Variants in MYO5B observed in about 807,000 individuals in gnomAD.
The protein encoded by MYO5B is myosin VB.
MYO5B carries 143 observed loss-of-function variants against 229.3 expected under a neutral mutation model. That is an observed-to-expected ratio of 0.62 (90% confidence interval 0.54 to 0.72). The LOEUF (loss-of-function observed/expected upper bound fraction) is 0.72, where lower values mean the gene tolerates loss of function less well. Ranked by LOEUF, MYO5B falls within the 30% of genes least tolerant of loss-of-function variation. MYO5B has a pLI of 0.00. For synonymous variants in MYO5B, 918 were observed against 885.2 expected (o/e 1.04, Z -0.66); for missense variants, 2,321 against 2,331.0 (o/e 1.00, Z 0.09).
chr18:49,831,982 G>A (rs925660940), intron 39 of MYO5B, among the ~76,000 whole-genome samples: 1 of 152,100 alleles, frequency 6.6e-6, no homozygotes, highest in African/African-American at 2.4e-5. Flanking sequence ...AGCCAGACCC[G>A]AAAGAATATC....
At chr18:50,090,798 T>C (rs1214794983) in intron 1 of MYO5B, among the ~76,000 whole-genome samples, 2 of 152,058 alleles carry the variant, frequency 1.3e-5, no homozygotes, top group Non-Finnish European at 2.9e-5. Context: ...AAGAGCCTCA[T>C]TGTATCACCA....
intron 1 of MYO5B, among the ~76,000 whole-genome samples, chr18:50,169,480 T>C (rs2032897106): frequency 7.9e-6 from 1 of 126,966 alleles, no homozygotes; most frequent in African/African-American, 3.0e-5. Context: ...TGCCACCGCA[T>C]GGGTTGCAAT....
chr18:50,159,827 T>TTC (rs2032738133), intron 1 of MYO5B, among the ~76,000 whole-genome samples: 1 of 152,178 alleles, frequency 6.6e-6, no homozygotes, highest in Non-Finnish European at 1.5e-5. Flanking sequence ...GCCACTGATA[T>TTC]CATGCTGCAC....
intron 2 of MYO5B, among the ~76,000 whole-genome samples, chr18:50,043,634 A>G (rs1338425039): frequency 7.3e-6 from 1 of 136,198 alleles, no homozygotes; most frequent in African/African-American, 2.7e-5. Flanking sequence ...ATATAAATAT[A>G]TTAAATATAT....
intron 1 of MYO5B, among the ~76,000 whole-genome samples, chr18:50,104,193 C>G (rs1201530292): frequency 7.4e-5 from 5 of 67,416 alleles, no homozygotes; most frequent in Non-Finnish European, 1.7e-4. Context: ...AAAATTATAC[C>G]TAGCGAGGAG....
At chr18:50,035,663 A>G (rs1269678025) in intron 4 of MYO5B, among the ~76,000 whole-genome samples, 5 of 152,040 alleles carry the variant, frequency 3.3e-5, no homozygotes, top group Non-Finnish European at 7.4e-5. Flanking sequence ...AAGCTAAGGG[A>G]CTCCTAGTTG....
At chr18:50,022,946 T>C (rs1218112921) in intron 4 of MYO5B, among the ~76,000 whole-genome samples, 1 of 152,122 alleles carries the variant, frequency 6.6e-6, no homozygotes, top group African/African-American at 2.4e-5. Context: ...GTGCTGCTGT[T>C]TAAGATAACA....
At chr18:50,190,852 A>C (rs2033216826) in intron 1 of MYO5B, among the ~76,000 whole-genome samples, 2 of 152,248 alleles carry the variant, frequency 1.3e-5, no homozygotes, top group African/African-American at 4.8e-5. Context: ...AGGTATAATC[A>C]AAGGGCTTTA....
At chr18:50,112,509 G>A (rs528467224) in intron 1 of MYO5B, among the ~76,000 whole-genome samples, 6 of 152,240 alleles carry the variant, frequency 3.9e-5, no homozygotes, top group South Asian at 4.2e-4. Context: ...GGACCCCCAT[G>A]GCGCCTTAAC....
intron 17 of MYO5B, among the ~76,000 whole-genome samples, chr18:49,921,311 C>A (rs1044849705): frequency 8.2e-5 from 12 of 147,192 alleles, no homozygotes; most frequent in Non-Finnish European, 1.8e-4. Flanking sequence ...CCCCCCACCA[C>A]ACACACACTT....
chr18:50,040,478 G>C (rs573202356), intron 2 of MYO5B, among the ~76,000 whole-genome samples, 164 bp from the exon 3 acceptor site: 2 of 152,326 alleles, frequency 1.3e-5, no homozygotes, highest in East Asian at 3.9e-4. Flanking sequence ...GTGTTGCCAT[G>C]AGAGACCAGT....
At chr18:49,843,881 G>C (rs910587864) in intron 33 of MYO5B, among the ~76,000 whole-genome samples, 1 of 152,242 alleles carries the variant, frequency 6.6e-6, no homozygotes, top group Non-Finnish European at 1.5e-5. Flanking sequence ...GGGCCAGCCT[G>C]CTGAGGGCTA....
chr18:49,889,993 G>A (rs529379772), intron 22 of MYO5B, among the ~76,000 whole-genome samples: 31 of 152,296 alleles, frequency 2.0e-4, no homozygotes, highest in African/African-American at 7.5e-4. Context: ...CATTAAAGTG[G>A]CCTCAGGGGG....
Position 49,900,488 on chromosome 18 carries a change from A to C in MYO5B, c.2811+2106T>G, listed in dbSNP as rs566450596. 2.0e-5 allele frequency among the ~76,000 whole-genome samples: 3 copies of C among 152,338 alleles called. No homozygotes were observed. The South Asian group carries it at 6.2e-4, about 32-fold the overall frequency. On this transcript the variant is annotated intron_variant, in intron 21 of 39. Transcript: ENST00000285039. ...AAACACCCAGTGACAGTCTCTTCTCAGAAAGCCTTGTCTTTTGCAAGAGCA... is the reference window on the plus strand; with the variant it reads ...AAACACCCAGTGACAGTCTCTTCTCCGAAAGCCTTGTCTTTTGCAAGAGCA...
chr18:50,183,347 A>G (rs539717529), intron 1 of MYO5B, among the ~76,000 whole-genome samples: 6 of 136,250 alleles, frequency 4.4e-5, no homozygotes, highest in Admixed American at 1.4e-4. Context: ...ATCTCCTTCA[A>G]TACTATTCAT....
In MYO5B at chr18:50,004,277, C is replaced by T. The variant is rs144888601; in HGVS notation, c.456-2866G>A. On this transcript the variant is annotated intron_variant, in intron 4 of 39. Coordinates refer to ENST00000285039, the MANE Select transcript of MYO5B (RefSeq NM_001080467.3). ...ACGGAACAGTAAAACTGGCAGGATG[C>T]AAAAGGCAAATTTTGGTGTTCTGAT... Among the ~76,000 whole-genome samples the T allele has an allele frequency of 4.7e-4, 71 of 152,182 alleles. 2 individuals carry two copies. The highest frequency in any genetic ancestry group is 1.6e-3 in the African/African-American group (65 of 41,508).
chr18:49,976,683 C>T lies in MYO5B; in HGVS notation c.1057-2068G>A, dbSNP rs1317555457. Reference sequence around the variant, plus strand: ...CCCAGAGCTCCTAACCCCAGCCCTGCAGGACAATCAGCTTGGTTTGGGCCG... The same window carrying T: ...CCCAGAGCTCCTAACCCCAGCCCTGTAGGACAATCAGCTTGGTTTGGGCCG... On this transcript the variant is annotated intron_variant, in intron 9 of 39. Transcript: ENST00000285039. Among the ~76,000 whole-genome samples the T allele has an allele frequency of 2.0e-5, 3 of 152,358 alleles. No homozygotes were observed. In the East Asian group the frequency reaches 5.8e-4, roughly 29 times the overall value.
intron 1 of MYO5B, among the ~76,000 whole-genome samples, chr18:50,060,207 C>A (rs531579394): frequency 6.6e-6 from 1 of 152,304 alleles, no homozygotes; most frequent in African/African-American, 2.4e-5. Context: ...ACACACTGTT[C>A]TGGTTGTAGA....
chr18:50,111,291 T>G (rs1411250711), intron 1 of MYO5B, among the ~76,000 whole-genome samples: 1 of 152,232 alleles, frequency 6.6e-6, no homozygotes, highest in African/African-American at 2.4e-5. Context: ...AAAGTTAAAC[T>G]GCAGTTATCT....
Sources: allele counts gnomAD v4.1 joint callset (sites outside exome capture counted in the v4.1 genomes callset), GRCh38; gene constraint gnomAD v4.1.1; transcripts MANE v1.5; gene names NCBI Gene and HGNC (gene_info 2026-07-23, HGNC 2026-07-21).